TXNDC12: variants seen among roughly 807,000 people sequenced by gnomAD.
TXNDC12 encodes thioredoxin domain containing 12, also known as thioredoxin domain-containing protein 12.
TXNDC12 carries 22 observed loss-of-function variants against 24.2 expected under a neutral mutation model. That is an observed-to-expected ratio of 0.91 (90% confidence interval 0.65 to 1.30). The LOEUF is 1.30. Among genes scored for constraint, TXNDC12 ranks in the 50% most tolerant of loss-of-function variants. The pLI, the probability that TXNDC12 is intolerant of heterozygous loss-of-function variation, is 0.00. For synonymous variants in TXNDC12, 58 were observed against 73.4 expected, an observed-to-expected ratio of 0.79 and a Z score of 1.07; for missense variants, 184 against 205.8, an observed-to-expected ratio of 0.89 and a Z score of 0.65.
chr1:52,055,811 T>C (rs1686332944), upstream of TXNDC12: 3 of 152,280 alleles, frequency 2.0e-5, no homozygotes, highest in Non-Finnish European at 2.9e-5. Context: ...GGACCTCTTA[T>C]TGCAAAACTG....
intron 1 of TXNDC12, among the ~76,000 whole-genome samples, chr1:52,045,836 C>T (rs1381882528): frequency 6.6e-6 from 1 of 152,110 alleles, no homozygotes; most frequent in Admixed American, 6.5e-5. Context: ...CCTTCCCTCA[C>T]AGCCCTCAGA....
At chr1:52,052,566 GA>G (rs1369997403) in intron 1 of TXNDC12, 1 of 168,254 alleles carries the variant, frequency 5.9e-6, no homozygotes, top group Non-Finnish European at 1.5e-5. Flanking sequence ...ATCACATGGA[GA>G]GGTAACCAGC....
At chr1:52,032,566 G>A (rs1001940561) in intron 2 of TXNDC12, 3 of 1,413,718 alleles carry the variant, frequency 2.1e-6, no homozygotes, top group East Asian at 2.5e-5. Context: ...AGGAAAGTTT[G>A]AGTGAATCAG....
At chr1:52,052,096 G>T (rs577170844) in intron 1 of TXNDC12, among the ~76,000 whole-genome samples, 1 of 152,142 alleles carries the variant, frequency 6.6e-6, no homozygotes, top group Non-Finnish European at 1.5e-5. Flanking sequence ...GCCCTAAGCT[G>T]CCCTTCTATG....
chr1:52,023,990 C>CTT (rs397830118), intron 5 of TXNDC12, among the ~76,000 whole-genome samples: 19 of 142,786 alleles, frequency 1.3e-4, no homozygotes, highest in Non-Finnish European at 2.2e-4. Context: ...TGATCAAACT[C>CTT]TTTTTTTTTT....
intron 2 of TXNDC12, among the ~76,000 whole-genome samples, chr1:52,037,107 G>C (rs1247512347): frequency 6.7e-6 from 1 of 150,184 alleles, no homozygotes; most frequent in Non-Finnish European, 1.5e-5. Flanking sequence ...TTGACAATCT[G>C]TTTTCTAGAG....
intron 6 of TXNDC12, 139 bp downstream of exon 6, chr1:52,023,352 C>T: frequency 1.6e-6 from 1 of 644,266 alleles, no homozygotes; most frequent in Admixed American, 2.6e-5. Context: ...ATATCCTACA[C>T]AGGATCTGGC....
intron 2 of TXNDC12, among the ~76,000 whole-genome samples, chr1:52,036,165 C>T (rs1029840021): frequency 3.3e-5 from 5 of 152,116 alleles, no homozygotes; most frequent in Non-Finnish European, 7.3e-5. Flanking sequence ...TACCTTTTGA[C>T]TCCCTAAAAC....
At chr1:52,021,431 C>T (rs922034691) in intron 6 of TXNDC12, among the ~76,000 whole-genome samples, 3 of 151,942 alleles carry the variant, frequency 2.0e-5, no homozygotes, top group Non-Finnish European at 4.4e-5. Context: ...GAATGTTGCA[C>T]TTATTTTACT....
chr1:52,031,262 C>T lies in TXNDC12; in HGVS notation c.159-2632G>A, dbSNP rs554194404. ...GCAACCTCCGCCTCCCGGGTTCAAG[C>T]GATTCTCCTGCCTCAGCCTCCTGAG... On this transcript the variant is annotated intron_variant, in intron 2 of 6. Coordinates refer to ENST00000371626, the MANE Select transcript of TXNDC12 (RefSeq NM_015913.4). Among the ~76,000 whole-genome samples the T allele has an allele frequency of 4.4e-4, 66 of 150,674 alleles. 1 individual carries two copies. Among genetic ancestry groups the T allele is most frequent in the Admixed American group, 3.3e-3 (50 of 15,068 alleles).
chr1:52,033,417 C>G (rs1490439117), intron 2 of TXNDC12: 2 of 1,451,318 alleles, frequency 1.4e-6, no homozygotes, highest in African/African-American at 3.0e-5. Context: ...CCTGAGGTCC[C>G]GCGATCGGGC....
At chr1:52,031,790 A>C (rs573387950) in intron 2 of TXNDC12, among the ~76,000 whole-genome samples, 1 of 152,318 alleles carries the variant, frequency 6.6e-6, no homozygotes, top group East Asian at 1.9e-4. Flanking sequence ...CTCACCACAT[A>C]TCTCAAGAGC....
At position 52,055,076 on chromosome 1, in the gene TXNDC12, G is replaced by A. The variant is rs142413132; in HGVS notation, c.21C>T (p.Leu7=). METRPR[L]GATCLLGFSF... ...TGAAGCCCAGCAAACAGGTGGCCCC[G>A]AGACGAGGCCGCGTCTCCATGGCAG... The change falls in exon 1 of 7, where the codon CTC becomes CTT. Residue 7 remains leucine, a synonymous_variant. Coordinates refer to ENST00000371626, the MANE Select transcript of TXNDC12 (RefSeq NM_015913.4). The A allele has an allele frequency of 5.5e-5, 88 of 1,614,058 alleles. No individual in the cohort carries two copies. The African/African-American group carries it at 7.7e-4, about 14-fold the overall frequency.
intron 4 of TXNDC12, among the ~76,000 whole-genome samples, chr1:52,026,340 T>C (rs1033533552): frequency 6.6e-6 from 1 of 152,104 alleles, no homozygotes; most frequent in Non-Finnish European, 1.5e-5. Flanking sequence ...ATAGTACCAA[T>C]AGCCTAAAAA....
chr1:52,045,343 C>T (rs925757231), intron 1 of TXNDC12, among the ~76,000 whole-genome samples: 9 of 152,078 alleles, frequency 5.9e-5, no homozygotes, highest in African/African-American at 1.9e-4. Context: ...TGTTAATGGC[C>T]TCAATTGTGT....
Position 52,052,179 on chromosome 1 carries a change from G to A in TXNDC12, c.97+2821C>T, listed in dbSNP as rs145091989. Among the ~76,000 whole-genome samples the A allele has an allele frequency of 8.1e-3, 1,231 of 152,194 alleles. 15 individuals carry two copies. The highest frequency in any genetic ancestry group is 0.028 in the African/African-American group (1,160 of 41,508). ...CTGCCATGTAACTGTCTGCTTACTT[G>A]TCTTGGTATCTTACCAGACTGCAAG... On this transcript the variant is annotated intron_variant, in intron 1 of 6. Coordinates refer to ENST00000371626, the MANE Select transcript of TXNDC12 (RefSeq NM_015913.4).
At chr1:52,032,218 C>G (rs1312588253) in intron 2 of TXNDC12, 2 of 985,876 alleles carry the variant, frequency 2.0e-6, no homozygotes, top group African/African-American at 3.5e-5. Context: ...TGAACTCGGT[C>G]CCAGAATAGA....
intron 3 of TXNDC12, among the ~76,000 whole-genome samples, chr1:52,027,740 TATATATAC>T (rs61332572): frequency 7.3e-4 from 110 of 149,684 alleles, no homozygotes; most frequent in South Asian, 1.3e-3. Context: ...GTATATATGT[TATATATAC>T]ATATATACAT....
intron 1 of TXNDC12, among the ~76,000 whole-genome samples, chr1:52,053,826 A>T (rs1686268650): frequency 1.3e-5 from 2 of 152,182 alleles, no homozygotes; most frequent in Admixed American, 6.5e-5. Flanking sequence ...TGACCTTCAT[A>T]ATTCAAGTGA....
Sources: gnomAD v4.1 joint callset for allele counts (sites outside exome capture counted in the v4.1 genomes callset) on GRCh38, gnomAD v4.1.1 for gene constraint, MANE v1.5 for transcripts, NCBI Gene and HGNC (gene_info 2026-07-23, HGNC 2026-07-21) for gene names.